The following TYW1B variants were observed in gnomAD, a reference collection of about 807,000 sequenced individuals.
TYW1B encodes S-adenosyl-L-methionine-dependent tRNA 4-demethylwyosine synthase TYW1B.
TYW1B carries 73 observed loss-of-function variants against 86.9 expected under a neutral mutation model. The ratio of observed to expected loss-of-function variants is 0.84; its 90% CI spans 0.70 to 1.02. The LOEUF (loss-of-function observed/expected upper bound fraction) is 1.02, where lower values mean the gene tolerates loss of function less well. Ranked by LOEUF, TYW1B falls within the 50% of genes least tolerant of loss-of-function variation. TYW1B has a pLI of 0.00. For synonymous variants in TYW1B, 248 were observed against 292.8 expected (o/e 0.85, Z 1.56); for missense variants, 637 against 827.4 (o/e 0.77, Z 2.82).
At chr7:72,716,273 G>A (rs1329417703) in intron 9 of TYW1B, among the ~76,000 whole-genome samples, 1 of 152,204 alleles carries the variant, frequency 6.6e-6, no homozygotes, top group African/African-American at 2.4e-5. Flanking sequence ...TTTCTTAGCT[G>A]TGAATGGTAA....
chr7:72,681,595 T>TC (rs1297313816), intron 11 of TYW1B, among the ~76,000 whole-genome samples: 1 of 146,822 alleles, frequency 6.8e-6, no homozygotes, highest in African/African-American at 2.5e-5. Flanking sequence ...TTACTTCTTT[T>TC]TTTTTTTTTT....
intron 13 of TYW1B, among the ~76,000 whole-genome samples, chr7:72,603,325 T>C (rs1340062109): frequency 7.2e-5 from 6 of 83,544 alleles, no homozygotes; most frequent in African/African-American, 2.6e-4. Flanking sequence ...AGATAGATGA[T>C]GGATGGATGG....
At chr7:72,602,716 A>G (rs1467618221) in intron 13 of TYW1B, among the ~76,000 whole-genome samples, 1 of 152,172 alleles carries the variant, frequency 6.6e-6, no homozygotes. Flanking sequence ...CTGAATTTGT[A>G]TCGCTTTCAC....
chr7:72,744,717 AG>A, intron 7 of TYW1B, 116 bp from the exon 8 acceptor site: 1 of 1,205,404 alleles, frequency 8.3e-7, no homozygotes, highest in Non-Finnish European at 1.2e-6. Flanking sequence ...TACTCCTACT[AG>A]TATCTGCATG....
intron 8 of TYW1B, among the ~76,000 whole-genome samples, chr7:72,740,831 C>T (rs1430120700): frequency 4.6e-5 from 7 of 150,618 alleles, no homozygotes; most frequent in East Asian, 2.0e-4. Context: ...CCCGAGCTCA[C>T]GCCATTCTCC....
chr7:72,721,852 C>T (rs1554457610), intron 9 of TYW1B, among the ~76,000 whole-genome samples: 3 of 152,176 alleles, frequency 2.0e-5, no homozygotes, highest in African/African-American at 7.2e-5. Context: ...AACTAACAAG[C>T]GGACTTCATC....
chr7:72,616,444 A>G (rs1453802247), intron 13 of TYW1B, among the ~76,000 whole-genome samples: 3 of 152,214 alleles, frequency 2.0e-5, no homozygotes. Context: ...TGCAAACCAG[A>G]AAGTACTTCA....
At chr7:72,745,851 GGTGTGTGTGT>G (rs1162824267) in intron 7 of TYW1B, among the ~76,000 whole-genome samples, 1,068 of 75,152 alleles carry the variant, frequency 0.014, 18 homozygotes, top group African/African-American at 0.032. Flanking sequence ...CGTGTATAGG[GGTGTGTGTGT>G]GTGTGTGTGT....
rs147140910 is a variant in TYW1B, at chr7:72,813,495, C to A, written c.237+1885G>T. ...CCAGCCTCTAACTGCTTCTCTAACT[C>A]TACCTGCGTCAGCATCACCAGGAGC... On this transcript the variant is annotated intron_variant, in intron 3 of 13. Coordinates refer to ENST00000620995, the MANE Select transcript of TYW1B (RefSeq NM_001145440.3). Among the ~76,000 whole-genome samples, 21 of 152,248 alleles carry A rather than the reference C, an allele frequency of 1.4e-4. No homozygotes were observed. In the East Asian group the frequency reaches 4.1e-3, roughly 29 times the overall value.
chr7:72,656,954 T>C (rs1477706005), intron 11 of TYW1B, among the ~76,000 whole-genome samples: 1 of 152,122 alleles, frequency 6.6e-6, no homozygotes, highest in Non-Finnish European at 1.5e-5. Flanking sequence ...CCTCCAACAT[T>C]GGGGATCACA....
chr7:72,658,842 T>TCC (rs1232867096), intron 11 of TYW1B, among the ~76,000 whole-genome samples: 1 of 152,120 alleles, frequency 6.6e-6, no homozygotes, highest in African/African-American at 2.4e-5. Context: ...TGTCTCGGCC[T>TCC]CCCAAGCAGC....
At chr7:72,693,190 A>G (rs13233576) in intron 11 of TYW1B, among the ~76,000 whole-genome samples, 2 of 152,132 alleles carry the variant, frequency 1.3e-5, no homozygotes, top group African/African-American at 4.8e-5. Flanking sequence ...AAGGAAGGAA[A>G]GAAGGAGGAT....
chr7:72,621,395 C>T lies in TYW1B; in HGVS notation c.1618-4556G>A, dbSNP rs146177306. Among the ~76,000 whole-genome samples the T allele has an allele frequency of 1.1e-4, 16 of 152,346 alleles. 1 individual carries two copies. The East Asian group carries it at 2.9e-3, about 28-fold the overall frequency. On this transcript the variant is annotated intron_variant, in intron 12 of 13. Transcript: ENST00000620995. Reference sequence around the variant, plus strand: ...TTAAACCAGCCTGAGCTTCTCACCACGGCACGAGGCCTTCCTCACCTGCCT... The same window carrying T: ...TTAAACCAGCCTGAGCTTCTCACCATGGCACGAGGCCTTCCTCACCTGCCT...
intron 8 of TYW1B, among the ~76,000 whole-genome samples, chr7:72,735,712 A>C (rs1219924705): frequency 1.3e-5 from 2 of 152,008 alleles, no homozygotes; most frequent in Non-Finnish European, 2.9e-5. Context: ...TCTACTAAAA[A>C]TACAAAAATT....
intron 3 of TYW1B, among the ~76,000 whole-genome samples, chr7:72,810,904 C>T (rs1788598585): frequency 6.6e-6 from 1 of 152,004 alleles, no homozygotes; most frequent in Non-Finnish European, 1.5e-5. Context: ...ATCATATACG[C>T]CATTCCATTA....
intron 8 of TYW1B, among the ~76,000 whole-genome samples, chr7:72,733,160 AC>A (rs1787141760): frequency 3.7e-3 from 1 of 268 alleles, no homozygotes; most frequent in Non-Finnish European, 6.8e-3. Flanking sequence ...CAAACCTAAA[AC>A]ACACACACAC....
intron 6 of TYW1B, among the ~76,000 whole-genome samples, chr7:72,800,822 C>A (rs74583267): frequency 4.6e-4 from 68 of 148,690 alleles, no homozygotes; most frequent in East Asian, 1.4e-3. Context: ...TTCCACATGA[C>A]TAGATCAATC....
intron 6 of TYW1B, among the ~76,000 whole-genome samples, chr7:72,799,597 C>G (rs1554475252): frequency 1.3e-5 from 2 of 152,062 alleles, no homozygotes; most frequent in Admixed American, 6.6e-5. Context: ...TCCCAAGTAG[C>G]TGGGACTACA....
At chr7:72,802,364 G>A (rs376017005) in intron 6 of TYW1B, 36 bp downstream of exon 6, 115 of 1,612,556 alleles carry the variant, frequency 7.1e-5, no homozygotes, top group Admixed American at 3.3e-4. Context: ...AACCAACTGC[G>A]GGAGCCAAGT....
Sources: allele counts gnomAD v4.1 joint callset (sites outside exome capture counted in the v4.1 genomes callset), GRCh38; gene constraint gnomAD v4.1.1; transcripts MANE v1.5; gene names NCBI Gene and HGNC (gene_info 2026-07-23, HGNC 2026-07-21).